ROBO2: variants seen among roughly 807,000 people sequenced by gnomAD.
ROBO2 encodes the protein roundabout homolog 2.
A neutral mutation model predicts 160.8 loss-of-function variants in ROBO2; 53 were observed. The observed-to-expected ratio is 0.33, with a 90% confidence interval of 0.26 to 0.41. The LOEUF is 0.41. Ranked by LOEUF, ROBO2 falls within the 10% of genes least tolerant of loss-of-function variation. ROBO2 has a pLI of 1.00. For synonymous variants in ROBO2, 664 were observed against 611.7 expected (o/e 1.09, Z -1.26); for missense variants, 1,577 against 1,722.4 (o/e 0.92, Z 1.49).
At chr3:76,706,261 C>T (rs889514070) in intron 2 of ROBO2, among the ~76,000 whole-genome samples, 1 of 151,996 alleles carries the variant, frequency 6.6e-6, no homozygotes, top group African/African-American at 2.4e-5. Context: ...AACATTAAAA[C>T]ATTGTTCATT....
chr3:75,955,481 G>T (rs1247853600), intron 2 of ROBO2, among the ~76,000 whole-genome samples: 6 of 151,490 alleles, frequency 4.0e-5, no homozygotes, highest in Non-Finnish European at 5.9e-5. Flanking sequence ...AGTCTTAAAA[G>T]ATAATGTTTA....
chr3:76,286,220 A>G (rs1269717027), intron 2 of ROBO2, among the ~76,000 whole-genome samples: 3 of 152,236 alleles, frequency 2.0e-5, no homozygotes, highest in African/African-American at 7.2e-5. Context: ...AGCTTCCATA[A>G]AAGCAATGAT....
intron 2 of ROBO2, among the ~76,000 whole-genome samples, chr3:76,204,600 C>T (rs1215977064): frequency 6.6e-6 from 1 of 152,090 alleles, no homozygotes; most frequent in Non-Finnish European, 1.5e-5. Flanking sequence ...AATAGAACAC[C>T]TTGATATTTT....
chr3:76,590,400 T>C (rs2086340165), intron 2 of ROBO2, among the ~76,000 whole-genome samples: 1 of 152,144 alleles, frequency 6.6e-6, no homozygotes, highest in African/African-American at 2.4e-5. Context: ...AAATTACCCA[T>C]AGTGCCTCAG....
intron 2 of ROBO2, among the ~76,000 whole-genome samples, chr3:76,532,915 C>T (rs2082304691): frequency 6.6e-6 from 1 of 152,220 alleles, no homozygotes; most frequent in East Asian, 1.9e-4. Context: ...TAAAATACAA[C>T]ATATATTTGA....
At chr3:77,273,988 G>GT (rs11371495) in intron 2 of ROBO2, among the ~76,000 whole-genome samples, 49,771 of 150,392 alleles carry the variant, frequency 0.33, 9,973 homozygotes, top group Middle Eastern at 0.51. Flanking sequence ...ACTTTTTCCT[G>GT]TTTTTTTTTC....
intron 2 of ROBO2, among the ~76,000 whole-genome samples, chr3:76,720,808 T>A (rs907696293): frequency 6.6e-6 from 1 of 152,144 alleles, no homozygotes; most frequent in African/African-American, 2.4e-5. Flanking sequence ...TTAGGAAAGG[T>A]TAAAAGTATT....
intron 2 of ROBO2, among the ~76,000 whole-genome samples, chr3:76,567,256 A>G (rs1048046769): frequency 6.6e-6 from 1 of 152,144 alleles, no homozygotes; most frequent in African/African-American, 2.4e-5. Context: ...TATTCAGGAG[A>G]AAATATTTAT....
intron 2 of ROBO2, among the ~76,000 whole-genome samples, chr3:76,518,517 T>C (rs1215095857): frequency 6.6e-6 from 1 of 152,132 alleles, no homozygotes; most frequent in African/African-American, 2.4e-5. Context: ...CATTTTTCAC[T>C]CACTTCTTAT....
intron 2 of ROBO2, among the ~76,000 whole-genome samples, chr3:75,980,386 G>C (rs569058350): frequency 5.3e-5 from 8 of 151,498 alleles, no homozygotes; most frequent in Middle Eastern, 3.4e-3. Flanking sequence ...GATGATGTTT[G>C]AATTTGACTT....
intron 2 of ROBO2, among the ~76,000 whole-genome samples, chr3:76,772,321 T>C (rs2061956150): frequency 6.6e-6 from 1 of 150,838 alleles, no homozygotes; most frequent in African/African-American, 2.4e-5. Flanking sequence ...TTTAAAAAAT[T>C]AGTCACTAAA....
chr3:75,964,603 T>C (rs1339158274), intron 2 of ROBO2, among the ~76,000 whole-genome samples: 1 of 151,666 alleles, frequency 6.6e-6, no homozygotes, highest in Non-Finnish European at 1.5e-5. Flanking sequence ...TATTTGTATA[T>C]GAGATGCAGA....
chr3:75,966,269 G>GTT lies in ROBO2; in HGVS notation c.109+28675_109+28676dup, dbSNP rs34221250. On this transcript the variant is annotated intron_variant, in intron 2 of 26. Coordinates refer to the ROBO2 transcript ENST00000487694. The stretch of plus-strand genomic sequence containing the variant: ...CTCTTTAGCACTTTGCCTAAATAAC[G>GTT]TTTTTTTTTAAAGAGACATATGCAA... Among the ~76,000 whole-genome samples the GTT allele has an allele frequency of 3.0e-4, 45 of 150,544 alleles. 1 individual carries two copies. Among genetic ancestry groups the GTT allele is most frequent in the Middle Eastern group, 3.4e-3 (1 of 290 alleles).
intron 6 of ROBO2, among the ~76,000 whole-genome samples, chr3:77,536,396 CTCT>C (rs1168762239): frequency 3.3e-5 from 5 of 151,980 alleles, no homozygotes; most frequent in Admixed American, 6.6e-5. Flanking sequence ...TTCCCTCTCT[CTCT>C]TCTTTTCTCT....
chr3:76,567,620 G>GATATATAT (rs1201854439), intron 2 of ROBO2, among the ~76,000 whole-genome samples: 335 of 33,164 alleles, frequency 0.01, 3 homozygotes, highest in East Asian at 0.021. Flanking sequence ...CCAAACTACT[G>GATATATAT]ATATATATAT....
At chr3:77,163,057 A>G (rs1430156407) in intron 2 of ROBO2, among the ~76,000 whole-genome samples, 1 of 151,984 alleles carries the variant, frequency 6.6e-6, no homozygotes, top group African/African-American at 2.4e-5. Flanking sequence ...GCTGGTCTCG[A>G]ACTCCTGACC....
intron 2 of ROBO2, among the ~76,000 whole-genome samples, chr3:77,106,931 A>G (rs2072883068): frequency 6.6e-6 from 1 of 152,270 alleles, no homozygotes; most frequent in Non-Finnish European, 1.5e-5. Context: ...GTTTTCTAAC[A>G]TAGTCCTCCT....
At chr3:77,112,053 A>T in intron 2 of ROBO2, among the ~76,000 whole-genome samples, 1 of 151,894 alleles carries the variant, frequency 6.6e-6, no homozygotes, top group Non-Finnish European at 1.5e-5. Flanking sequence ...CTCTACAAAA[A>T]AATACAATAG....
At chr3:76,340,283 T>A (rs1193028414) in intron 2 of ROBO2, among the ~76,000 whole-genome samples, 2 of 152,126 alleles carry the variant, frequency 1.3e-5, no homozygotes, top group East Asian at 3.8e-4. Flanking sequence ...TTGGTCTCCC[T>A]CAGCCTTCAG....
Sources: gnomAD v4.1 joint callset for allele counts (sites outside exome capture counted in the v4.1 genomes callset) on GRCh38, gnomAD v4.1.1 for gene constraint, MANE v1.5 for transcripts, NCBI Gene and HGNC (gene_info 2026-07-23, HGNC 2026-07-21) for gene names.